SCAPER: variants seen among roughly 807,000 people sequenced by gnomAD.
SCAPER encodes S phase cyclin A-associated protein in the endoplasmic reticulum.
SCAPER carries 98 observed loss-of-function variants against 182.2 expected under a neutral mutation model. The ratio of observed to expected loss-of-function variants is 0.54; its 90% CI spans 0.46 to 0.64. The LOEUF (loss-of-function observed/expected upper bound fraction) is 0.64, where lower values mean the gene tolerates loss of function less well. Ranked by LOEUF, SCAPER falls within the 30% of genes least tolerant of loss-of-function variation. The pLI, the probability that SCAPER is intolerant of heterozygous loss-of-function variation, is 0.00. For synonymous variants in SCAPER, 605 were observed against 564.6 expected (o/e 1.07, Z -1.01); for missense variants, 1,432 against 1,690.0 (o/e 0.85, Z 2.68).
At chr15:76,434,056 T>G (rs1285116059) in intron 26 of SCAPER, 22 bp downstream of exon 26, 2 of 1,586,702 alleles carry the variant, frequency 1.3e-6, no homozygotes, top group African/African-American at 1.3e-5. Context: ...GAACAAAGTT[T>G]TAAGAACTCT....
At chr15:76,479,343 G>A (rs1194051957) in intron 24 of SCAPER, among the ~76,000 whole-genome samples, 1 of 152,108 alleles carries the variant, frequency 6.6e-6, no homozygotes, top group Non-Finnish European at 1.5e-5. Flanking sequence ...AAACTCAAAT[G>A]ACTAGAAGCA....
At chr15:76,433,439 C>G (rs1006742307) in intron 26 of SCAPER, among the ~76,000 whole-genome samples, 1 of 152,112 alleles carries the variant, frequency 6.6e-6, no homozygotes, top group East Asian at 1.9e-4. Context: ...ACCCAGGAGG[C>G]GAAGGTTGCT....
At chr15:76,365,625 T>C (rs2041756778) in intron 29 of SCAPER, among the ~76,000 whole-genome samples, 1 of 152,138 alleles carries the variant, frequency 6.6e-6, no homozygotes, top group South Asian at 2.1e-4. Flanking sequence ...AGACTCACCA[T>C]ATCATCGTAA....
At chr15:76,769,914 T>C (rs974551350) in intron 10 of SCAPER, among the ~76,000 whole-genome samples, 3 of 152,158 alleles carry the variant, frequency 2.0e-5, no homozygotes, top group Admixed American at 6.5e-5. Context: ...CGTATGTTTA[T>C]TGCAGCACTA....
In SCAPER at chr15:76,596,565, A is replaced by G. The variant is rs1260468148; in HGVS notation, c.2712-22281T>C. On this transcript the variant is annotated intron_variant, in intron 22 of 31. Coordinates refer to ENST00000563290, the MANE Select transcript of SCAPER (RefSeq NM_020843.4). ...TTGAACACCGATGTGAAAATCCTCA[A>G]TAAAATACTGGCAAACCAAATCTGG... 2.5e-5 allele frequency among the ~76,000 whole-genome samples: 3 copies of G among 121,630 alleles called. 1 individual carries two copies. Among genetic ancestry groups the G allele is most frequent in the African/African-American group, 7.5e-5 (3 of 39,788 alleles). 79.8% of individuals were successfully genotyped at this position (121,630 alleles called of 152,430 possible).
intron 1 of SCAPER, among the ~76,000 whole-genome samples, chr15:76,893,215 T>C (rs781495967): frequency 3.9e-5 from 6 of 152,020 alleles, no homozygotes; most frequent in Non-Finnish European, 7.4e-5. Flanking sequence ...TTAGGAGAAA[T>C]ACCTAACGTA....
rs80204177 is a variant in SCAPER, at chr15:76,435,257, T to C, written c.3079-947A>G. ...CTGTTAAACAGCACTATCGACTGCA[T>C]AGTAATAGTTATTGTTTTTTCTATT... is the stretch of plus-strand genomic sequence containing the variant. On this transcript the variant is annotated intron_variant, in intron 25 of 31. Coordinates refer to ENST00000563290, the MANE Select transcript of SCAPER (RefSeq NM_020843.4). Among the ~76,000 whole-genome samples, 326 of 152,326 alleles carry C rather than the reference T, an allele frequency of 2.1e-3. 4 individuals are homozygous for C. The highest frequency in any genetic ancestry group is 7.2e-3 in the African/African-American group (298 of 41,574).
At chr15:76,486,654 C>T (rs2051685832) in intron 24 of SCAPER, among the ~76,000 whole-genome samples, 1 of 152,126 alleles carries the variant, frequency 6.6e-6, no homozygotes, top group African/African-American at 2.4e-5. Flanking sequence ...CCATCTTACA[C>T]CAGTCAGAAT....
chr15:76,675,377 A>G (rs899290367), intron 20 of SCAPER, among the ~76,000 whole-genome samples: 2 of 152,216 alleles, frequency 1.3e-5, no homozygotes, highest in Admixed American at 1.3e-4. Context: ...GAAATCTGTT[A>G]TAAGGATAGG....
At chr15:76,446,588 GC>G (rs1271592688) in intron 25 of SCAPER, among the ~76,000 whole-genome samples, 5 of 152,030 alleles carry the variant, frequency 3.3e-5, no homozygotes, top group Non-Finnish European at 5.9e-5. Flanking sequence ...ATCTCTTCAG[GC>G]AAGCTCAATA....
intron 25 of SCAPER, among the ~76,000 whole-genome samples, chr15:76,462,927 A>C (rs2049305305): frequency 6.6e-6 from 1 of 152,168 alleles, no homozygotes; most frequent in Admixed American, 6.5e-5. Flanking sequence ...TTATAGTGTT[A>C]ACAGGCTGTA....
At chr15:76,817,368 C>A (rs886880361) in intron 5 of SCAPER, among the ~76,000 whole-genome samples, 2 of 151,734 alleles carry the variant, frequency 1.3e-5, no homozygotes, top group Non-Finnish European at 2.9e-5. Context: ...TAAACAAAGT[C>A]GAATACGTAG....
chr15:76,851,042 T>C (rs947057544), intron 4 of SCAPER, among the ~76,000 whole-genome samples: 12 of 151,506 alleles, frequency 7.9e-5, no homozygotes, highest in Non-Finnish European at 1.3e-4. Flanking sequence ...AAAAACACAC[T>C]AAGAATTTCA....
At chr15:76,423,501 A>C (rs1238779120) in intron 26 of SCAPER, among the ~76,000 whole-genome samples, 3 of 152,008 alleles carry the variant, frequency 2.0e-5, no homozygotes, top group Admixed American at 6.6e-5. Context: ...CTATTTGATT[A>C]TTCTCTCTTT....
rs369575777 is a variant in SCAPER, at chr15:76,605,465, A to G, written c.2711+16299T>C. On this transcript the variant is annotated intron_variant, in intron 22 of 31. Coordinates refer to ENST00000563290, the MANE Select transcript of SCAPER (RefSeq NM_020843.4). ...GATTTTTGCATCAATGTTCATCAAG[A>G]ATATTGGTCTAAAATTCTCTTTTTT... Among the ~76,000 whole-genome samples the G allele has an allele frequency of 4.6e-5, 7 of 152,092 alleles. 1 individual carries two copies. Among genetic ancestry groups the G allele is most frequent in the African/African-American group, 1.4e-4 (6 of 41,486 alleles).
At chr15:76,404,794 C>T in intron 26 of SCAPER, 115 bp from the exon 27 acceptor site, 3 of 939,174 alleles carry the variant, frequency 3.2e-6, no homozygotes, top group Non-Finnish European at 4.4e-6. Context: ...GCAGACACAA[C>T]ACAAGTTTGA....
At chr15:76,808,661 C>A (rs559013011) in intron 5 of SCAPER, among the ~76,000 whole-genome samples, 2 of 152,224 alleles carry the variant, frequency 1.3e-5, no homozygotes, top group Non-Finnish European at 2.9e-5. Flanking sequence ...AGGAAATTAG[C>A]AGTCTTCTGG....
At chr15:76,677,216 C>T (rs2057417632) in intron 20 of SCAPER, among the ~76,000 whole-genome samples, 1 of 152,140 alleles carries the variant, frequency 6.6e-6, no homozygotes, top group African/African-American at 2.4e-5. Flanking sequence ...TCTAGCCTCA[C>T]TGAATCCTGC....
chr15:76,556,540 G>C (rs1019022594), intron 23 of SCAPER, among the ~76,000 whole-genome samples: 2 of 152,050 alleles, frequency 1.3e-5, no homozygotes, highest in Non-Finnish European at 1.5e-5. Context: ...AATGGCAATG[G>C]GGACATTATC....
Sources: allele counts gnomAD v4.1 joint callset (sites outside exome capture counted in the v4.1 genomes callset), GRCh38; gene constraint gnomAD v4.1.1; transcripts MANE v1.5; gene names NCBI Gene and HGNC (gene_info 2026-07-23, HGNC 2026-07-21).